SCIMP: variants seen among roughly 807,000 people sequenced by gnomAD.
SCIMP encodes SLP adapter and CSK-interacting membrane protein.
A neutral mutation model predicts 22.0 loss-of-function variants in SCIMP; 18 were observed. The ratio of observed to expected loss-of-function variants is 0.82; its 90% CI spans 0.56 to 1.21. The LOEUF is 1.21. Among genes scored for constraint, SCIMP ranks in the 50% most tolerant of loss-of-function variants. The pLI is 0.00. For synonymous variants in SCIMP, 53 were observed against 62.2 expected, an observed-to-expected ratio of 0.85 and a Z score of 0.70; for missense variants, 155 against 171.2, an observed-to-expected ratio of 0.91 and a Z score of 0.53.
chr17:5,213,026 T>TTTTTTTTTTTTTTTTTTTA, intron 4 of SCIMP: 2 of 596,520 alleles, frequency 3.4e-6, no homozygotes, highest in Non-Finnish European at 4.2e-6. Context: ...TGGTAACTTC[T>TTTTTTTTTTTTTTTTTTTA]GAGCTGACAT....
chr17:5,215,074 T>C (rs2074556411), intron 3 of SCIMP, 76 bp from the exon 4 acceptor site: 1 of 890,542 alleles, frequency 1.1e-6, no homozygotes, highest in South Asian at 1.4e-5. Context: ...AGAGAAAACA[T>C]CAAGGAAAGT....
At chr17:5,213,916 C>A (rs1056601595) in intron 4 of SCIMP, 3 of 152,140 alleles carry the variant, frequency 2.0e-5, no homozygotes, top group African/African-American at 7.2e-5. Flanking sequence ...TGTGTCCCCC[C>A]AAAATTCAGG....
intron 4 of SCIMP, among the ~76,000 whole-genome samples, chr17:5,212,528 G>A (rs993657833): frequency 8.5e-5 from 13 of 152,198 alleles, no homozygotes; most frequent in African/African-American, 3.1e-4. Flanking sequence ...CAGCTACCCA[G>A]GAGGCTGAGG....
intron 1 of SCIMP, among the ~76,000 whole-genome samples, chr17:5,231,114 C>G (rs904511166): frequency 2.0e-5 from 3 of 152,112 alleles, no homozygotes; most frequent in African/African-American, 7.2e-5. Flanking sequence ...AATCCCAGCA[C>G]TTTGGGAGGC....
In SCIMP at chr17:5,210,141, A is replaced by G. The variant is rs2074516184; in HGVS notation, c.*660T>C. On this transcript the variant is annotated 3_prime_UTR_variant, in exon 5 of 5. Coordinates refer to ENST00000574081, the MANE Select transcript of SCIMP (RefSeq NM_207103.3). ...ACTTGCAAGCACGGGGAGAAAACCT[A>G]GGTGAAAACTCAAATCTCTATGGTC... The G allele has an allele frequency of 6.6e-6, 1 of 152,172 alleles. No individual in the cohort carries two copies. Among genetic ancestry groups the G allele is most frequent in the African/African-American group, 2.4e-5 (1 of 41,422 alleles). 9.4% of individuals were successfully genotyped at this position (152,172 alleles called of 1,614,324 possible).
At chr17:5,218,155 A>T (rs2074579548) in intron 3 of SCIMP, among the ~76,000 whole-genome samples, 2 of 151,740 alleles carry the variant, frequency 1.3e-5, no homozygotes, top group African/African-American at 4.8e-5. Flanking sequence ...CCTCCCAAGT[A>T]GCTGGGACTA....
At chr17:5,228,048 T>G (rs568862394) in intron 1 of SCIMP, among the ~76,000 whole-genome samples, 121 of 152,234 alleles carry the variant, frequency 7.9e-4, no homozygotes, top group Non-Finnish European at 1.4e-3. Context: ...GGTGTGCACC[T>G]GTAATCTCAG....
At chr17:5,234,144 G>A (rs1041203501) in intron 1 of SCIMP, among the ~76,000 whole-genome samples, 3 of 152,094 alleles carry the variant, frequency 2.0e-5, no homozygotes, top group Admixed American at 6.6e-5. Context: ...GGTGGCGGGT[G>A]CCTGTAATCC....
At chr17:5,232,050 C>T (rs1471440090) in intron 1 of SCIMP, among the ~76,000 whole-genome samples, 3 of 134,148 alleles carry the variant, frequency 2.2e-5, no homozygotes, top group South Asian at 2.2e-4. Context: ...AGCGAGACTC[C>T]GTCTCAAAAA....
At chr17:5,229,351 A>G (rs1221759158) in intron 1 of SCIMP, among the ~76,000 whole-genome samples, 2 of 138,208 alleles carry the variant, frequency 1.4e-5, no homozygotes, top group Non-Finnish European at 3.1e-5. Context: ...ATTTTCCTTC[A>G]CCAGGAATTT....
At chr17:5,219,156 A>G (rs189424998) in intron 3 of SCIMP, among the ~76,000 whole-genome samples, 5 of 151,886 alleles carry the variant, frequency 3.3e-5, no homozygotes, top group Admixed American at 1.3e-4. Context: ...CGTCTCTACT[A>G]AAAATACAAA....
chr17:5,228,696 G>A (rs2074671074), intron 1 of SCIMP, among the ~76,000 whole-genome samples: 1 of 151,996 alleles, frequency 6.6e-6, no homozygotes, highest in African/African-American at 2.4e-5. Flanking sequence ...CTGAGCCTGT[G>A]ACAGTGACAG....
chr17:5,228,497 T>G (rs906512493), intron 1 of SCIMP, among the ~76,000 whole-genome samples: 5 of 151,740 alleles, frequency 3.3e-5, no homozygotes, highest in African/African-American at 1.2e-4. Flanking sequence ...AATTAAAAAT[T>G]TGCCAGGCAA....
chr17:5,214,838 TAAAAAAA>T, intron 4 of SCIMP, 80 bp downstream of exon 4: 145 of 452,442 alleles, frequency 3.2e-4, no homozygotes, highest in Non-Finnish European at 4.1e-4. Flanking sequence ...AGACTCCATC[TAAAAAAA>T]AAAAAAAAAA....
At chr17:5,226,222 A>G (rs1017312753) in intron 1 of SCIMP, among the ~76,000 whole-genome samples, 45 of 152,248 alleles carry the variant, frequency 3.0e-4, no homozygotes, top group African/African-American at 1.1e-3. Context: ...TAAACTCTGC[A>G]TTACTTGATT....
At chr17:5,222,720 A>C (rs1210659641) in intron 2 of SCIMP, among the ~76,000 whole-genome samples, 1 of 151,918 alleles carries the variant, frequency 6.6e-6, no homozygotes, top group East Asian at 1.9e-4. Flanking sequence ...GCTGGAGTGC[A>C]GTGGCACGAT....
intron 1 of SCIMP, among the ~76,000 whole-genome samples, chr17:5,231,460 T>C (rs1280269349): frequency 1.3e-5 from 2 of 152,090 alleles, no homozygotes; most frequent in Admixed American, 6.6e-5. Flanking sequence ...TTCAACTTGG[T>C]CTGTGTGAGT....
At chr17:5,230,929 A>G (rs1340244119) in intron 1 of SCIMP, among the ~76,000 whole-genome samples, 1 of 152,180 alleles carries the variant, frequency 6.6e-6, no homozygotes, top group Non-Finnish European at 1.5e-5. Context: ...TTATAGAGTG[A>G]GACCCTGTCT....
At chr17:5,219,085 C>T (rs984171606) in intron 3 of SCIMP, among the ~76,000 whole-genome samples, 6 of 151,746 alleles carry the variant, frequency 4.0e-5, no homozygotes, top group Non-Finnish European at 7.4e-5. Flanking sequence ...TTTGGGAGGC[C>T]GAGATGGGCA....
Sources: allele counts gnomAD v4.1 joint callset (sites outside exome capture counted in the v4.1 genomes callset), GRCh38; gene constraint gnomAD v4.1.1; transcripts MANE v1.5; gene names NCBI Gene and HGNC (gene_info 2026-07-23, HGNC 2026-07-21).